MAPK6: variants seen among roughly 807,000 people sequenced by gnomAD.
MAPK6 encodes mitogen-activated protein kinase 6.
In MAPK6, 19 loss-of-function variants were observed where a neutral mutation model predicts 59.3. The ratio of observed to expected loss-of-function variants is 0.32; its 90% CI spans 0.22 to 0.47. The LOEUF is 0.47. MAPK6 is among the 20% of genes least tolerant of loss of function. The pLI, the probability that MAPK6 is intolerant of heterozygous loss-of-function variation, is 1.00. For synonymous variants in MAPK6, 316 were observed against 290.3 expected (o/e 1.09, Z -0.90); for missense variants, 724 against 847.9 (o/e 0.85, Z 1.81).
At position 52,063,926 on chromosome 15, in the gene MAPK6, G is replaced by A. The variant is rs1172968364; in HGVS notation, c.1092G>A (p.Glu364=). Residue 364 remains glutamate, a synonymous_variant, in exon 6 of 6, where the codon GAG becomes GAA. Transcript: ENST00000261845. ...GGTATCATGATTGTCAGTTTTCAGAGCATGATTGGCCTGTACATAACAACT... is the reference window on the plus strand; with the variant it reads ...GGTATCATGATTGTCAGTTTTCAGAACATGATTGGCCTGTACATAACAACT... ...WERYHDCQFS[E]HDWPVHNNFD... is the part of the protein sequence containing the mutation. The A allele has an allele frequency of 1.9e-6, 3 of 1,549,950 alleles. No homozygotes were observed. Among genetic ancestry groups the A allele is most frequent in the Non-Finnish European group, 2.6e-6 (3 of 1,148,166 alleles).
At chr15:51,993,539 G>C (rs1180605840) in intron 2 of MAPK6, among the ~76,000 whole-genome samples, 2 of 152,006 alleles carry the variant, frequency 1.3e-5, no homozygotes, top group Non-Finnish European at 2.9e-5. Context: ...AGAATTATTT[G>C]GTGTTGGATT....
intron 1 of MAPK6, among the ~76,000 whole-genome samples, chr15:51,972,313 T>C (rs1375083721): frequency 3.3e-5 from 5 of 151,962 alleles, no homozygotes; most frequent in African/African-American, 1.2e-4. Flanking sequence ...TAATTTTTTG[T>C]ATTTTAGTAG....
At chr15:52,026,804 C>T (rs895242866) in intron 1 of MAPK6, among the ~76,000 whole-genome samples, 2 of 150,536 alleles carry the variant, frequency 1.3e-5, no homozygotes, top group Admixed American at 6.6e-5. Context: ...GTAATCTCAG[C>T]ACTTTGGGAG....
intron 1 of MAPK6, among the ~76,000 whole-genome samples, chr15:52,034,668 T>C (rs2031176856): frequency 6.6e-6 from 1 of 151,996 alleles, no homozygotes; most frequent in South Asian, 2.1e-4. Context: ...TTTTCAACAA[T>C]TTCACTCTGT....
chr15:52,056,706 C>T (rs1006684699), intron 3 of MAPK6: 21 of 152,384 alleles, frequency 1.4e-4, no homozygotes, highest in African/African-American at 4.8e-4. Context: ...GTCACCCTTG[C>T]CAGTTCTCTT....
chr15:51,980,907 A>G (rs564128685), intron 1 of MAPK6, among the ~76,000 whole-genome samples: 2 of 151,508 alleles, frequency 1.3e-5, no homozygotes, highest in African/African-American at 2.4e-5. Context: ...AGCTATTTCA[A>G]CGTAGAGCTG....
chr15:52,048,306 C>A (rs1031499528), intron 2 of MAPK6, among the ~76,000 whole-genome samples: 2 of 152,018 alleles, frequency 1.3e-5, no homozygotes, highest in Non-Finnish European at 2.9e-5. Context: ...CCCGCCACCA[C>A]GCCCAGCCCA....
At chr15:52,063,751 C>CT (rs1377626223) in intron 5 of MAPK6, 151 bp from the exon 6 acceptor site, 2 of 505,270 alleles carry the variant, frequency 4.0e-6, no homozygotes, top group Non-Finnish European at 6.5e-6. Flanking sequence ...CCTATCAAGA[C>CT]TAAGTTCTGG....
chr15:52,054,149 C>T lies in MAPK6; in HGVS notation c.700+4012C>T, dbSNP rs376448734. On this transcript the variant is annotated intron_variant, in intron 3 of 5. Coordinates refer to ENST00000261845, the MANE Select transcript of MAPK6 (RefSeq NM_002748.4). ...TTGGGATGCGGAGGCAAGTGGATCA[C>T]CTGAGATCAGGAGTTTGAGAACAGC... Among the ~76,000 whole-genome samples, 6 of 151,716 alleles carry T rather than the reference C, an allele frequency of 4.0e-5. No individual in the cohort carries two copies. In the East Asian group the frequency reaches 7.8e-4, roughly 20 times the overall value.
At chr15:51,977,625 C>G (rs2057161176) in intron 1 of MAPK6, among the ~76,000 whole-genome samples, 1 of 151,948 alleles carries the variant, frequency 6.6e-6, no homozygotes, top group Non-Finnish European at 1.5e-5. Flanking sequence ...CAGCCTTGAA[C>G]TCCTGGGCTC....
At chr15:52,017,574 G>A (rs2030309800), upstream of MAPK6, 1 of 152,638 alleles carries the variant, frequency 6.6e-6, no homozygotes, top group African/African-American at 2.4e-5. Flanking sequence ...GGCTTAGCTT[G>A]GGCTCAGAGG....
At chr15:52,028,554 A>G (rs1198780533) in intron 1 of MAPK6, among the ~76,000 whole-genome samples, 2 of 152,218 alleles carry the variant, frequency 1.3e-5, no homozygotes, top group African/African-American at 4.8e-5. Context: ...CTGTTAAAAG[A>G]AAAATTTAAA....
intron 2 of MAPK6, among the ~76,000 whole-genome samples, chr15:51,995,157 G>A (rs572940403): frequency 6.6e-6 from 1 of 152,326 alleles, no homozygotes; most frequent in Admixed American, 6.5e-5. Flanking sequence ...GAGGAAGCAG[G>A]CTTAGACAGA....
At chr15:51,973,831 T>C (rs990062822) in intron 1 of MAPK6, among the ~76,000 whole-genome samples, 4 of 151,844 alleles carry the variant, frequency 2.6e-5, no homozygotes, top group East Asian at 3.9e-4. Context: ...TTTGTATTTT[T>C]AGTAGAGATG....
chr15:52,058,090 T>C (rs540881314), intron 3 of MAPK6, among the ~76,000 whole-genome samples: 1 of 152,342 alleles, frequency 6.6e-6, no homozygotes, highest in South Asian at 2.1e-4. Context: ...CATGCTGGAG[T>C]ACAGCAAATG....
chr15:52,063,493 A>T lies in MAPK6; in HGVS notation c.1068-409A>T, dbSNP rs114945018. Among the ~76,000 whole-genome samples the T allele has an allele frequency of 4.0e-3, 601 of 151,704 alleles. 8 individuals are homozygous for T. Among genetic ancestry groups the T allele is most frequent in the African/African-American group, 0.014 (560 of 41,340 alleles). ...AGGGAGATTTTTGCTATTCATGGTG[A>T]TGAGTTTTCCAGCAAACCTCCTCCT... On this transcript the variant is annotated intron_variant, in intron 5 of 5. Coordinates refer to ENST00000261845, the MANE Select transcript of MAPK6 (RefSeq NM_002748.4).
rs1676381386 is a variant in MAPK6, at chr15:52,067,302, C to G, written c.*2302C>G. On this transcript the variant is annotated 3_prime_UTR_variant, in exon 6 of 6. Transcript: ENST00000261845. ...ACTGAAACCCCTTATATAAAATATG[C>G]TTGCTTTAGGGTGACCCAGGCTGAG... The G allele has an allele frequency of 6.6e-6, 1 of 152,144 alleles. No individual in the cohort carries two copies. Among genetic ancestry groups the G allele is most frequent in the Non-Finnish European group, 1.5e-5 (1 of 68,028 alleles). The allele number at this position is 152,144 out of a possible 1,614,324, so 9.4% of individuals were successfully genotyped here.
At chr15:52,063,818 AG>A in intron 5 of MAPK6, 83 bp from the exon 6 acceptor site, 1 of 1,225,174 alleles carries the variant, frequency 8.2e-7, no homozygotes, top group Non-Finnish European at 1.1e-6. Context: ...GACCTAGCAC[AG>A]TGCTGTCACA....
At chr15:52,053,709 G>A (rs151303718) in intron 3 of MAPK6, among the ~76,000 whole-genome samples, 2,523 of 151,938 alleles carry the variant, frequency 0.017, 31 homozygotes, top group African/African-American at 0.034. Context: ...GCATGATCTC[G>A]GCTCACTGCA....
Sources: gnomAD v4.1 joint callset for allele counts (sites outside exome capture counted in the v4.1 genomes callset) on GRCh38, gnomAD v4.1.1 for gene constraint, MANE v1.5 for transcripts, NCBI Gene and HGNC (gene_info 2026-07-23, HGNC 2026-07-21) for gene names.